MGAT4A: variants seen among roughly 807,000 people sequenced by gnomAD.
The protein encoded by MGAT4A is N-acetylglucosaminyltransferase IVa.
Under a neutral mutation model 74.1 loss-of-function variants are expected in MGAT4A, and 33 were observed. The ratio of observed to expected loss-of-function variants is 0.45; its 90% CI spans 0.34 to 0.60. The LOEUF (loss-of-function observed/expected upper bound fraction) is 0.60. MGAT4A is among the 20% of genes least tolerant of loss of function. MGAT4A has a pLI of 0.02. For synonymous variants in MGAT4A, 198 were observed against 210.4 expected (o/e 0.94, Z 0.51); for missense variants, 479 against 628.3 (o/e 0.76, Z 2.54).
chr2:98,666,473 G>A (rs1270173819), intron 4 of MGAT4A, among the ~76,000 whole-genome samples: 1 of 152,206 alleles, frequency 6.6e-6, no homozygotes, highest in Non-Finnish European at 1.5e-5. Flanking sequence ...CGGAAGGATC[G>A]CTTGAGCCCA....
Position 98,623,486 on chromosome 2 carries a change from T to C in MGAT4A, c.*2080A>G. 1.0e-6 allele frequency: 1 copy of C among 985,438 alleles called. No homozygotes were observed. The highest frequency in any genetic ancestry group is 1.2e-6 in the Non-Finnish European group (1 of 829,928). 61.0% of individuals were successfully genotyped at this position (985,438 alleles called of 1,614,324 possible). On this transcript the variant is annotated 3_prime_UTR_variant, in exon 16 of 16. Coordinates refer to ENST00000393487, the MANE Select transcript of MGAT4A (RefSeq NM_012214.3). ...CAGTTATCTTTGCAGTAATTTAGTA[T>C]ACCAAGCTGGTGCCAAAATTTTATG...
At chr2:98,642,116 G>A (rs1450622910) in intron 10 of MGAT4A, among the ~76,000 whole-genome samples, 1 of 152,156 alleles carries the variant, frequency 6.6e-6, no homozygotes, top group Non-Finnish European at 1.5e-5. Flanking sequence ...TACAATAAAG[G>A]TGAAATAGTG....
intron 4 of MGAT4A, among the ~76,000 whole-genome samples, chr2:98,669,017 G>A (rs192300755): frequency 1.4e-3 from 214 of 152,302 alleles, no homozygotes; most frequent in Non-Finnish European, 2.4e-3. Context: ...AGGCTCATAG[G>A]TGGAAGGGAC....
chr2:98,710,469 T>C (rs1702500606), intron 2 of MGAT4A, among the ~76,000 whole-genome samples: 1 of 152,174 alleles, frequency 6.6e-6, no homozygotes, highest in Admixed American at 6.5e-5. Context: ...GTTGTTGTTG[T>C]TTTTTGTTTT....
At chr2:98,660,457 C>CACA (rs1359333265) in intron 5 of MGAT4A, among the ~76,000 whole-genome samples, 4 of 141,864 alleles carry the variant, frequency 2.8e-5, no homozygotes, top group Admixed American at 2.1e-4. Flanking sequence ...CACACACACA[C>CACA]AACAAATAGC....
At position 98,675,027 on chromosome 2, in the gene MGAT4A, A is replaced by G; in HGVS notation, c.403+8T>C. On this transcript the variant is annotated splice_region_variant and intron_variant, in intron 4 of 15. Transcript: ENST00000393487. ...GTACAACTGCAGTAAGAAACAAAAT[A>G]AACATACCTCCTGTTCTTCCGTTGC... 1 of 1,608,058 alleles carries G rather than the reference A, an allele frequency of 6.2e-7. No individual in the cohort carries two copies.
At position 98,625,356 on chromosome 2, in the gene MGAT4A, G is replaced by GT. The variant is rs1701128458; in HGVS notation, c.*209dup. ...TAACAGGCTGTCATAATTGAAAAAT[G>GT]TTTGAGTCAAGTTAAAATCTGAGGA... On this transcript the variant is annotated 3_prime_UTR_variant, in exon 16 of 16. Transcript: ENST00000393487. 52 of 1,354,794 alleles carry GT rather than the reference G, an allele frequency of 3.8e-5. No individual in the cohort carries two copies. The highest frequency in any genetic ancestry group is 5.5e-4 in the Middle Eastern group (2 of 3,622). 83.9% of individuals were successfully genotyped at this position (1,354,794 alleles called of 1,614,324 possible).
At chr2:98,634,871 G>C (rs575788126) in intron 14 of MGAT4A, among the ~76,000 whole-genome samples, 20 of 151,948 alleles carry the variant, frequency 1.3e-4, no homozygotes, top group African/African-American at 4.6e-4. Flanking sequence ...ATGTGACGCT[G>C]GGGAGGAGGG....
Position 98,635,138 on chromosome 2 carries a change from T to C in MGAT4A, c.1468+84A>G, listed in dbSNP as rs1032144140. The C allele has an allele frequency of 5.8e-4, 580 of 999,036 alleles. 6 individuals carry two copies. The highest frequency in any genetic ancestry group is 4.3e-4 in the Admixed American group (18 of 42,224). 61.9% of individuals were successfully genotyped at this position (999,036 alleles called of 1,614,324 possible). A position where few individuals can be genotyped will look rare whatever the true frequency, so the allele number is the denominator to read the frequency against. Reference sequence around the variant, plus strand: ...GACACTGGTAATTGTAATCCTCAAGTTGCTTAACATCTGAAAAGAACTGAA... The same window carrying C: ...GACACTGGTAATTGTAATCCTCAAGCTGCTTAACATCTGAAAAGAACTGAA... On this transcript the variant is annotated intron_variant, in intron 14 of 15. Coordinates refer to ENST00000393487, the MANE Select transcript of MGAT4A (RefSeq NM_012214.3).
intron 13 of MGAT4A, among the ~76,000 whole-genome samples, chr2:98,635,863 C>T (rs1399976267): frequency 6.6e-6 from 1 of 151,590 alleles, no homozygotes; most frequent in East Asian, 2.0e-4. Context: ...TGCCACGCAC[C>T]TATACTCCCA....
intron 14 of MGAT4A, among the ~76,000 whole-genome samples, chr2:98,629,982 G>T (rs1701204796): frequency 6.6e-6 from 1 of 152,174 alleles, no homozygotes; most frequent in African/African-American, 2.4e-5. Context: ...GGAGGCGGAG[G>T]ATGCAGTGAG....
chr2:98,631,141 C>T (rs1423474632), intron 14 of MGAT4A, among the ~76,000 whole-genome samples: 1 of 152,208 alleles, frequency 6.6e-6, no homozygotes, highest in Non-Finnish European at 1.5e-5. Flanking sequence ...AGTATTTCTT[C>T]CACAAGACCA....
chr2:98,706,671 G>A (rs990437390), intron 2 of MGAT4A, among the ~76,000 whole-genome samples: 1 of 151,222 alleles, frequency 6.6e-6, no homozygotes, highest in African/African-American at 2.4e-5. Context: ...GAATATACAT[G>A]GCATACTGCT....
intron 5 of MGAT4A, among the ~76,000 whole-genome samples, chr2:98,659,271 G>GT (rs756552218): frequency 6.8e-4 from 104 of 152,332 alleles, no homozygotes; most frequent in Admixed American, 1.9e-3. Context: ...TAGGCTAGCT[G>GT]TAAGGACTGA....
chr2:98,710,037 A>G (rs78874942), intron 2 of MGAT4A, among the ~76,000 whole-genome samples: 1 of 151,346 alleles, frequency 6.6e-6, no homozygotes, highest in Non-Finnish European at 1.5e-5. Context: ...GTTAAATTGG[A>G]AAAAAAAACA....
At chr2:98,724,429 A>C (rs540848076) in intron 2 of MGAT4A, among the ~76,000 whole-genome samples, 1 of 152,234 alleles carries the variant, frequency 6.6e-6, no homozygotes, top group Admixed American at 6.5e-5. Flanking sequence ...TTAACACAGA[A>C]GATTTTATGT....
At chr2:98,640,353 T>C (rs1300121614) in intron 10 of MGAT4A, 125 bp from the exon 11 acceptor site, 6 of 746,888 alleles carry the variant, frequency 8.0e-6, no homozygotes, top group Non-Finnish European at 1.3e-5. Context: ...GTCATGCCTA[T>C]AATCCCAGCA....
rs1259884597 is a variant in MGAT4A, at chr2:98,678,247, A to ATATATATATAT, written c.262+56_262+57insATATATATATA. Reference sequence around the variant, plus strand: ...TCTGTCTCAAAGAAAAAAAAAAAAAAAAATATATATATATATATATAAAAT... The same window carrying ATATATATATAT: ...TCTGTCTCAAAGAAAAAAAAAAAAAATATATATATATAAATATATATATATATATATAAAAT... On this transcript the variant is annotated intron_variant, in intron 3 of 15. Coordinates refer to ENST00000393487, the MANE Select transcript of MGAT4A (RefSeq NM_012214.3). The ATATATATATAT allele has an allele frequency of 5.6e-4, 194 of 345,172 alleles. 1 individual carries two copies. Among genetic ancestry groups the ATATATATATAT allele is most frequent in the Admixed American group, 1.0e-3 (13 of 12,970 alleles). The allele number at this position is 345,172 out of a possible 1,614,324, so 21.4% of individuals were successfully genotyped here.
chr2:98,637,835 C>T (rs1049546110), intron 12 of MGAT4A, among the ~76,000 whole-genome samples: 2 of 152,170 alleles, frequency 1.3e-5, no homozygotes, highest in African/African-American at 4.8e-5. Context: ...GGAGAACTGA[C>T]AAAAAGTCCC....
Sources: allele counts gnomAD v4.1 joint callset (sites outside exome capture counted in the v4.1 genomes callset), GRCh38; gene constraint gnomAD v4.1.1; transcripts MANE v1.5; gene names NCBI Gene and HGNC (gene_info 2026-07-23, HGNC 2026-07-21).